NR4A1: variants seen among roughly 807,000 people sequenced by gnomAD.
NR4A1 encodes nuclear receptor subfamily 4 group A member 1, also known as nuclear receptor subfamily 4immunitygroup A member 1.
NR4A1 carries 24 observed loss-of-function variants against 47.5 expected under a neutral mutation model. That is an observed-to-expected ratio of 0.50 (90% CI 0.37 to 0.71). The LOEUF (loss-of-function observed/expected upper bound fraction) is 0.71, where lower values mean the gene tolerates loss of function less well. Ranked by LOEUF, NR4A1 falls within the 30% of genes least tolerant of loss-of-function variation. NR4A1 has a pLI of 0.00. For missense variants in NR4A1, 669 were observed against 788.6 expected, an observed-to-expected ratio of 0.85 and a Z score of 1.82; for synonymous variants, 353 against 345.7, an observed-to-expected ratio of 1.02 and a Z score of -0.24.
chr12:52,055,375 G>C, intron 2 of NR4A1, 171 bp downstream of exon 2: 1 of 785,696 alleles, frequency 1.3e-6, no homozygotes, highest in East Asian at 2.7e-5. Flanking sequence ...TAGATGCCAG[G>C]GCTGGAAGCT....
At chr12:52,029,595 G>A (rs1241405769) in intron 1 of NR4A1, among the ~76,000 whole-genome samples, 2 of 152,162 alleles carry the variant, frequency 1.3e-5, no homozygotes, top group Non-Finnish European at 2.9e-5. Flanking sequence ...GGCAAAAGTG[G>A]GAGGATCACT....
At chr12:52,029,550 T>G (rs755943669) in intron 1 of NR4A1, among the ~76,000 whole-genome samples, 12 of 152,082 alleles carry the variant, frequency 7.9e-5, no homozygotes, top group Non-Finnish European at 1.3e-4. Flanking sequence ...TAGCCAGGCA[T>G]GGTGGCATAC....
At chr12:52,025,862 C>T (rs76316647) in intron 1 of NR4A1, among the ~76,000 whole-genome samples, 1,868 of 152,298 alleles carry the variant, frequency 0.012, 32 homozygotes, top group African/African-American at 0.042. Context: ...ACTTGGGGGC[C>T]GCAGGGGATC....
At chr12:52,037,497 C>G (rs1938278298) in intron 1 of NR4A1, 1 of 980,744 alleles carries the variant, frequency 1.0e-6, no homozygotes, top group African/African-American at 1.8e-5. Context: ...CGGGCAATCT[C>G]GGGTCTTCGG....
intron 2 of NR4A1, chr12:52,043,807 C>G: frequency 7.8e-7 from 1 of 1,288,424 alleles, no homozygotes; most frequent in Non-Finnish European, 1.0e-6. Context: ...CACAGGGCTC[C>G]CTGAGACCAC....
chr12:52,050,190 A>C (rs1938852817), upstream of NR4A1, among the ~76,000 whole-genome samples: 1 of 152,174 alleles, frequency 6.6e-6, no homozygotes, highest in Non-Finnish European at 1.5e-5. Context: ...AAACCAGGGA[A>C]GGCTCCAGGT....
rs769964065 is a variant in NR4A1, at chr12:52,057,518, G to C, written c.1528G>C (p.Val510Leu). Reference protein sequence around the residue: ...VPAFACLSALVLITDRHGLQE... With the variant: ...VPAFACLSALLLITDRHGLQE... The stretch of plus-strand genomic sequence containing the variant: ...TGCCTTCGCCTGCCTCTCTGCCCTT[G>C]TCCTCATCACCGGTGAGTGACCAGC... The change falls in exon 6 of 7, where the codon GTC (valine) becomes CTC (leucine). Residue 510 changes from valine to leucine, a missense_variant. Val to Leu is a conservative substitution (Grantham distance 32). Coordinates refer to ENST00000394825, the MANE Select transcript of NR4A1 (RefSeq NM_173157.3). 6.2e-7 allele frequency: 1 copy of C among 1,614,044 alleles called. No homozygotes were observed. The highest frequency in any genetic ancestry group is 1.1e-5 in the South Asian group (1 of 91,072).
chr12:52,032,893 C>A (rs1390985525), intron 1 of NR4A1, among the ~76,000 whole-genome samples: 1 of 152,144 alleles, frequency 6.6e-6, no homozygotes, highest in African/African-American at 2.4e-5. Context: ...GGCGAGCCCC[C>A]AAACCAGCAC....
intron 1 of NR4A1, among the ~76,000 whole-genome samples, chr12:52,031,800 G>A (rs1592281211): frequency 3.0e-5 from 3 of 101,618 alleles, no homozygotes. Context: ...TTTTTTTTGA[G>A]ACGGAGTCTC....
At chr12:52,037,904 G>T in intron 1 of NR4A1, 7 of 953,574 alleles carry the variant, frequency 7.3e-6, no homozygotes, top group Non-Finnish European at 8.5e-6. Context: ...TCCCAGGCGT[G>T]TTTTTTTGTT....
At chr12:52,054,253 A>T in intron 1 of NR4A1, 74 bp from the exon 2 acceptor site, 1 of 1,340,832 alleles carries the variant, frequency 7.5e-7, no homozygotes, top group Non-Finnish European at 1.0e-6. Flanking sequence ...CTGGGGCCCA[A>T]ATACTTTGAG....
At chr12:52,036,553 AGTG>A (rs2120941744) in intron 1 of NR4A1, among the ~76,000 whole-genome samples, 1 of 152,334 alleles carries the variant, frequency 6.6e-6, no homozygotes, top group East Asian at 1.9e-4. Flanking sequence ...TAAGTCACAC[AGTG>A]GTATGGGAGC....
At position 52,058,887 on chromosome 12, in the gene NR4A1, C is replaced by G; in HGVS notation, c.1740C>G (p.Asp580Glu). The change falls in exon 7 of 7, where the codon GAC (aspartate) becomes GAG (glutamate). Residue 580 changes from aspartate (D) to glutamate (E), a missense_variant. Physicochemically the swap from Asp to Glu is conservative, Grantham distance 45. Transcript: ENST00000394825. ...LQRIFYLKLE[D>E]LVPPPPIIDK... ...GCATCTTCTACCTCAAGCTGGAGGA[C>G]TTGGTGCCCCCTCCACCCATCATTG... The G allele has an allele frequency of 6.2e-7, 1 of 1,614,102 alleles. No individual in the cohort carries two copies. Among genetic ancestry groups the G allele is most frequent in the Non-Finnish European group, 8.5e-7 (1 of 1,179,926 alleles).
chr12:52,026,713 A>G (rs1938007423), intron 1 of NR4A1, among the ~76,000 whole-genome samples: 1 of 152,202 alleles, frequency 6.6e-6, no homozygotes, highest in East Asian at 1.9e-4. Context: ...TCCATTTCCC[A>G]AACAAGCAAC....
intron 2 of NR4A1, among the ~76,000 whole-genome samples, chr12:52,042,695 G>A (rs576102590): frequency 3.9e-5 from 6 of 152,284 alleles, no homozygotes; most frequent in East Asian, 3.9e-4. Context: ...GGGTGCTTCC[G>A]GAGAAGGCCC....
At chr12:52,040,221 G>A (rs1938382727) in intron 1 of NR4A1, among the ~76,000 whole-genome samples, 1 of 151,910 alleles carries the variant, frequency 6.6e-6, no homozygotes, top group African/African-American at 2.4e-5. Context: ...GACTATTGAG[G>A]GGGGCATTTT....
chr12:52,046,378 G>A (rs942246661), intron 2 of NR4A1, among the ~76,000 whole-genome samples: 5 of 152,126 alleles, frequency 3.3e-5, no homozygotes, highest in Admixed American at 1.3e-4. Context: ...CATACTGGTC[G>A]GTGAGGGATG....
intron 1 of NR4A1, among the ~76,000 whole-genome samples, chr12:52,040,667 A>G (rs7311578): frequency 0.084 from 12,808 of 152,034 alleles, 556 homozygotes; most frequent in East Asian, 0.096. Flanking sequence ...GGTGCTGACA[A>G]TGTTGTAAGG....
chr12:52,051,063 C>T (rs1938900105), upstream of NR4A1, among the ~76,000 whole-genome samples: 1 of 152,206 alleles, frequency 6.6e-6, no homozygotes, highest in South Asian at 2.1e-4. Flanking sequence ...GGCTCTGGCC[C>T]TCCCGCTGGT....
Sources: allele counts gnomAD v4.1 joint callset (sites outside exome capture counted in the v4.1 genomes callset), GRCh38; gene constraint gnomAD v4.1.1; transcripts MANE v1.5; gene names NCBI Gene and HGNC (gene_info 2026-07-23, HGNC 2026-07-21).